ALX3: variants seen among roughly 807,000 people sequenced by gnomAD.
The protein encoded by ALX3 is ALX homeobox 3.
A neutral mutation model predicts 26.3 loss-of-function variants in ALX3; 17 were observed. The observed-to-expected ratio is 0.65, with a 90% CI of 0.44 to 0.97. The LOEUF is 0.97. ALX3 is among the 50% of genes least tolerant of loss of function. The pLI is 0.00. For synonymous variants in ALX3, 208 were observed against 201.4 expected (o/e 1.03, Z -0.28); for missense variants, 461 against 466.5 (o/e 0.99, Z 0.11).
Position 110,060,740 on chromosome 1 carries a change from G to T in ALX3, c.1025C>A (p.Thr342Asn). The change falls in exon 4 of 4, where the codon ACC becomes AAC. Residue 342 changes from threonine to asparagine, a missense_variant. Transcript: ENST00000647563. The part of the protein sequence containing the change: ...PKEPPGLLNW[T>N]T ...GCAGGTCCATGCAACCGATCACGTG[G>T]TCCAGTTCAGAAGGCCGGGTGGCTC... The T allele has an allele frequency of 6.7e-7, 1 of 1,495,258 alleles. No homozygotes were observed. The highest frequency in any genetic ancestry group is 8.9e-7 in the Non-Finnish European group (1 of 1,120,232). The allele number at this position is 1,495,258 out of a possible 1,614,324, so 92.6% of individuals were successfully genotyped here. A position where few individuals can be genotyped will look rare whatever the true frequency, so the allele number is the denominator to read the frequency against.
Position 110,064,788 on chromosome 1 carries a change from G to T in ALX3, c.393C>A (p.Ser131Arg). Reference protein sequence around the residue: ...LQGSPGPCLASLHLPLSPGLP... With the variant: ...LQGSPGPCLARLHLPLSPGLP... The stretch of plus-strand genomic sequence containing the variant: ...GTCCCGGGGAAAGAGGAAGATGCAG[G>T]CTGGCCAGGCAGGGGCCTGGGGAGC... The change falls in exon 2 of 4, where the codon AGC (serine) becomes AGA (arginine). Residue 131 changes from serine (S) to arginine (R), a missense_variant. Transcript: ENST00000647563. 6.2e-7 allele frequency: 1 copy of T among 1,614,196 alleles called. No individual in the cohort carries two copies. Among genetic ancestry groups the T allele is most frequent in the African/African-American group, 1.3e-5 (1 of 75,066 alleles).
rs1653624164 is a variant in ALX3 at position 110,060,947 on chromosome 1, G to A, written c.818C>T (p.Pro273Leu). The change falls in exon 4 of 4, where the codon CCA becomes CTA. Residue 273 changes from proline to leucine, a missense_variant. This residue lies in a region of ALX3 where 169 missense variants were observed against 178.0 expected (regional missense o/e 0.95). Transcript: ENST00000647563. ...CACACTCCCATGGGGGTGGGAATAT[G>A]GAGACATGCATGGGGAGGGGATGCC... ...PEGIPSPCMS[P>L]YSHPHGSVAG... 1 of 1,613,240 alleles carries A rather than the reference G, an allele frequency of 6.2e-7. No homozygotes were observed.
chr1:110,062,689 A>G (rs532179300), intron 2 of ALX3: 4 of 147,568 alleles, frequency 2.7e-5, no homozygotes, highest in African/African-American at 1.0e-4. Context: ...TCCTGCCCCC[A>G]TGGTCATTCC....
rs1653785018 is a variant in ALX3, at chr1:110,066,409, G to A, written c.278-1506C>T. On this transcript the variant is annotated intron_variant, in intron 1 of 3. Coordinates refer to ENST00000647563, the MANE Select transcript of ALX3 (RefSeq NM_006492.3). ...AGGGCTCCTTCACAACTCAGGTGGA[G>A]CACAGGGGAGAAAGTGTTCCAGTCT... 2.0e-5 allele frequency among the ~76,000 whole-genome samples: 3 copies of A among 152,206 alleles called. No individual in the cohort carries two copies. The South Asian group carries it at 6.2e-4, about 31-fold the overall frequency.
chr1:110,069,859 G>T (rs116789806), intron 1 of ALX3, among the ~76,000 whole-genome samples: 3 of 152,096 alleles, frequency 2.0e-5, no homozygotes, highest in Non-Finnish European at 4.4e-5. Flanking sequence ...AGCCGACCCC[G>T]ATTTGACCAC....
rs144472607 is a variant in ALX3, at chr1:110,059,882, C to T, written c.*851G>A. 22 of 152,130 alleles carry T rather than the reference C, an allele frequency of 1.4e-4. No individual in the cohort carries two copies. The highest frequency in any genetic ancestry group is 2.8e-4 in the Non-Finnish European group (19 of 67,978). 9.4% of individuals were successfully genotyped at this position (152,130 alleles called of 1,614,324 possible). A position where few individuals can be genotyped will look rare whatever the true frequency, so the allele number is the denominator to read the frequency against. On this transcript the variant is annotated 3_prime_UTR_variant, in exon 4 of 4. Transcript: ENST00000647563. Reference sequence around the variant, plus strand: ...GACAGTCACCTGGTATAAAAAACACCACCACCTTTATTAGAATGCTGGGCA... The same window carrying T: ...GACAGTCACCTGGTATAAAAAACACTACCACCTTTATTAGAATGCTGGGCA...
Position 110,060,803 on chromosome 1 carries a change from T to G in ALX3, c.962A>C (p.Lys321Thr). 1 of 1,613,928 alleles carries G rather than the reference T, an allele frequency of 6.2e-7. No individual in the cohort carries two copies. Among genetic ancestry groups the G allele is most frequent in the Non-Finnish European group, 8.5e-7 (1 of 1,179,960 alleles). The change falls in exon 4 of 4, where the codon AAG becomes ACG. Residue 321 changes from lysine to threonine, a missense_variant. By Grantham distance (78) the Lys-to-Thr change is moderately conservative (BLOSUM62 -1). Transcript: ENST00000647563. ...CCTGAGCGAGACGAGGCTTGGAGACTTATAGTCACCATCTGAGGAAGGCTC... is the reference window on the plus strand; with the variant it reads ...CCTGAGCGAGACGAGGCTTGGAGACGTATAGTCACCATCTGAGGAAGGCTC... ...SFEPSSDGDY[K>T]SPSLVSLRVK...
chr1:110,064,829 G>A lies in ALX3; in HGVS notation c.352C>T (p.Pro118Ser), dbSNP rs746998409. 1.8e-5 allele frequency: 29 copies of A among 1,613,516 alleles called. No individual in the cohort carries two copies. The highest frequency in any genetic ancestry group is 1.9e-5 in the Non-Finnish European group (23 of 1,179,858). Residue 118 changes from proline to serine, a missense_variant, in exon 2 of 4, where the codon CCC (proline) becomes TCC (serine). Physicochemically the swap from Pro to Ser is moderately conservative, Grantham distance 74. This residue lies in a region of ALX3 where 241 missense variants were observed against 206.1 expected (regional missense o/e 1.17). Transcript: ENST00000647563. ...LDCRGGPRDG[P>S]SNLQGSPGPC... ...CCTGGGGAGCCTTGCAAGTTAGAGGGCCCGTCTCTGGGGCCCCCTCGGCAG... is the reference window on the plus strand; with the variant it reads ...CCTGGGGAGCCTTGCAAGTTAGAGGACCCGTCTCTGGGGCCCCCTCGGCAG...
rs1653892633 is a variant in ALX3 at position 110,070,494 on chromosome 1, G to C, written c.119C>G (p.Pro40Arg). 6.3e-6 allele frequency: 8 copies of C among 1,266,384 alleles called. No homozygotes were observed. The highest frequency in any genetic ancestry group is 7.9e-6 in the Non-Finnish European group (8 of 1,006,398). 78.4% of individuals were successfully genotyped at this position (1,266,384 alleles called of 1,614,324 possible). ...GTPAAAPHLHPAPPRGPRLTR... is the reference protein window; with the variant it reads ...GTPAAAPHLHRAPPRGPRLTR... ...CAGCCGCGGGCCGCGGGGCGGCGCG[G>C]GGTGCAGGTGAGGCGCAGCGGCGGG... Residue 40 changes from proline to arginine, a missense_variant, in exon 1 of 4, where the codon CCC (proline) becomes CGC (arginine). Transcript: ENST00000647563.
intron 3 of ALX3, 35 bp from the exon 4 acceptor site, chr1:110,061,076 T>C: frequency 6.3e-7 from 1 of 1,577,200 alleles, no homozygotes; most frequent in Middle Eastern, 2.2e-4. Context: ...CATGAGCCTG[T>C]AGCCTCAGGA....
In ALX3 at chr1:110,060,849, T is replaced by C. The variant is rs755918125; in HGVS notation, c.916A>G (p.Thr306Ala). 9.9e-6 allele frequency: 16 copies of C among 1,613,392 alleles called. No homozygotes were observed. The South Asian group carries it at 1.8e-4, about 18-fold the overall frequency. The stretch of plus-strand genomic sequence containing the variant: ...GGCTCAAAGCTGTGGCCCCCCAGGG[T>C]GGGGGGAAAGCCATGGATGGAGTAG... The part of the protein sequence containing the change: ...GIYSIHGFPP[T>A]LGGHSFEPSS... The change falls in exon 4 of 4, where the codon ACC (threonine) becomes GCC (alanine). Residue 306 changes from threonine to alanine, a missense_variant. This residue lies in a region of ALX3 where 169 missense variants were observed against 178.0 expected (regional missense o/e 0.95). Coordinates refer to ENST00000647563, the MANE Select transcript of ALX3 (RefSeq NM_006492.3).
rs1452315698 is a variant in ALX3, at chr1:110,061,037, T to A, written c.728A>T (p.Gln243Leu). ...LPRTDSHPQL[Q>L]NSLWASPGSG... Reference sequence around the variant, plus strand: ...TCCTGGACTGGCCCACAGGGAGTTCTGCAGCTGAAAAGAGAGGGAAAGAAG... The same window carrying A: ...TCCTGGACTGGCCCACAGGGAGTTCAGCAGCTGAAAAGAGAGGGAAAGAAG... Residue 243 changes from glutamine to leucine, a missense_variant, in exon 4 of 4, where the codon CAG (glutamine) becomes CTG (leucine). Around this residue, in one of 3 missense-constraint regions of ALX3, gnomAD observed 169 missense variants for 178.0 expected, o/e 0.95. Transcript: ENST00000647563. The A allele has an allele frequency of 3.1e-6, 5 of 1,606,940 alleles. No homozygotes were observed. The South Asian group carries it at 5.6e-5, about 18-fold the overall frequency.
chr1:110,066,127 G>A (rs1226480736), intron 1 of ALX3, among the ~76,000 whole-genome samples: 1 of 152,242 alleles, frequency 6.6e-6, no homozygotes, highest in East Asian at 1.9e-4. Context: ...GTTGGGGGAG[G>A]ATGGGACTGG....
chr1:110,062,646 G>GTGTC, intron 2 of ALX3: 6,104 of 126,238 alleles, frequency 0.048, 207 homozygotes, highest in Middle Eastern at 0.1. Flanking sequence ...TGTGTGTGTG[G>GTGTC]AGTAATCCGT....
chr1:110,064,833 G>A lies in ALX3; in HGVS notation c.348C>T (p.Asp116=), dbSNP rs146795178. 8.6e-5 allele frequency: 138 copies of A among 1,613,500 alleles called. No homozygotes were observed. The highest frequency in any genetic ancestry group is 9.7e-5 in the Non-Finnish European group (115 of 1,179,908). Residue 116 remains aspartate (D), a synonymous_variant, in exon 2 of 4, where the codon GAC becomes GAT. Coordinates refer to ENST00000647563, the MANE Select transcript of ALX3 (RefSeq NM_006492.3). ...GGGAGCCTTGCAAGTTAGAGGGCCC[G>A]TCTCTGGGGCCCCCTCGGCAGTCCA... The part of the protein sequence containing the change: ...LPLDCRGGPR[D]GPSNLQGSPG...
intron 1 of ALX3, among the ~76,000 whole-genome samples, chr1:110,067,325 C>T (rs764117191): frequency 2.0e-5 from 3 of 152,204 alleles, no homozygotes; most frequent in Non-Finnish European, 4.4e-5. Flanking sequence ...GTCACTGCAC[C>T]TGATCCGGAC....
chr1:110,061,351 G>C, intron 3 of ALX3, 84 bp downstream of exon 3: 1 of 1,599,510 alleles, frequency 6.3e-7, no homozygotes, highest in South Asian at 1.1e-5. Context: ...GAACGCTGAC[G>C]CTCTCCAGGT....
At chr1:110,061,096 C>T (rs1653629732) in intron 3 of ALX3, 55 bp from the exon 4 acceptor site, 6 of 1,549,866 alleles carry the variant, frequency 3.9e-6, no homozygotes, top group African/African-American at 1.4e-5. Flanking sequence ...AGCTGACTTC[C>T]CTACCCAGGG....
intron 1 of ALX3, among the ~76,000 whole-genome samples, chr1:110,069,435 A>C (rs1653867371): frequency 1.3e-5 from 2 of 152,172 alleles, no homozygotes; most frequent in African/African-American, 4.8e-5. Context: ...GACGCCTTAC[A>C]GGTCATAGGG....
Sources: gnomAD v4.1 joint callset for allele counts (sites outside exome capture counted in the v4.1 genomes callset) on GRCh38, gnomAD v4.1.1 for gene constraint, gnomAD v4.1.1 regional missense constraint, MANE v1.5 for transcripts, NCBI Gene and HGNC (gene_info 2026-07-23, HGNC 2026-07-21) for gene names.